POU2F3: variants seen among roughly 807,000 people sequenced by gnomAD.
POU2F3 encodes the protein POU domain, class 2, transcription factor 3.
Under a neutral mutation model 59.2 loss-of-function variants are expected in POU2F3, and 23 were observed. The observed-to-expected ratio is 0.39, with a 90% CI of 0.28 to 0.55. The LOEUF (loss-of-function observed/expected upper bound fraction) is 0.55. Ranked by LOEUF, POU2F3 falls within the 20% of genes least tolerant of loss-of-function variation. POU2F3 has a pLI of 0.66. For synonymous variants in POU2F3, 190 were observed against 214.6 expected (o/e 0.89, Z 1.00); for missense variants, 473 against 544.5 (o/e 0.87, Z 1.31).
upstream of POU2F3, among the ~76,000 whole-genome samples, chr11:120,237,089 G>A (rs1013108686): frequency 1.3e-5 from 2 of 152,130 alleles, no homozygotes; most frequent in African/African-American, 4.8e-5. Context: ...GCAGCCCTGG[G>A]TCTAAATACC....
chr11:120,259,594 TC>T (rs1466116874), intron 2 of POU2F3, among the ~76,000 whole-genome samples: 5 of 152,128 alleles, frequency 3.3e-5, no homozygotes, highest in African/African-American at 1.2e-4. Context: ...GCCTCCTGGG[TC>T]CTATTCTTCA....
chr11:120,240,381 G>A lies in POU2F3; in HGVS notation c.28+10G>A. Reference sequence around the variant, plus strand: ...GAGTCCATGCACACAGGTGAGGGGCGGAGGGAATGAGCTCTGACAGGTGTC... The same window carrying A: ...GAGTCCATGCACACAGGTGAGGGGCAGAGGGAATGAGCTCTGACAGGTGTC... On this transcript the variant is annotated intron_variant, in intron 1 of 12. Coordinates refer to ENST00000543440, the MANE Select transcript of POU2F3 (RefSeq NM_014352.4). 7.0e-7 allele frequency: 1 copy of A among 1,425,416 alleles called. No individual in the cohort carries two copies. Among genetic ancestry groups the A allele is most frequent in the Non-Finnish European group, 9.3e-7 (1 of 1,079,770 alleles). The allele number at this position is 1,425,416 out of a possible 1,614,324, so 88.3% of individuals were successfully genotyped here.
intron 2 of POU2F3, among the ~76,000 whole-genome samples, chr11:120,254,627 G>A (rs1565357214): frequency 6.6e-6 from 1 of 152,194 alleles, no homozygotes; most frequent in African/African-American, 2.4e-5. Context: ...TTGGTTTGGA[G>A]GAAGAGGGCC....
At chr11:120,270,995 G>A (rs1489262156) in intron 3 of POU2F3, among the ~76,000 whole-genome samples, 3 of 152,178 alleles carry the variant, frequency 2.0e-5, no homozygotes, top group Admixed American at 6.5e-5. Flanking sequence ...TGCCTGGCCT[G>A]AAGTCACTAT....
intron 6 of POU2F3, chr11:120,303,933 C>A (rs886382583): frequency 6.6e-6 from 1 of 152,188 alleles, no homozygotes; most frequent in Non-Finnish European, 1.5e-5. Context: ...TCCACTCTAT[C>A]CTTGTGGAAT....
In POU2F3 at chr11:120,319,553, G is replaced by A. The variant is rs11217815; in HGVS notation, c.*1161G>A. 46,068 of 147,816 alleles carry A rather than the reference G, an allele frequency of 0.31. 7,973 individuals are homozygous for A. The highest frequency in any genetic ancestry group is 0.41 in the Middle Eastern group (113 of 278). The allele number at this position is 147,816 out of a possible 1,614,324, so 9.2% of individuals were successfully genotyped here. On this transcript the variant is annotated 3_prime_UTR_variant, in exon 13 of 13. Coordinates refer to ENST00000543440, the MANE Select transcript of POU2F3 (RefSeq NM_014352.4). ...CCACTTGGGTTCAAGCGATTCTCCT[G>A]CCTCAGCCTCTCAAGTAGCGGGATT...
Position 120,308,164 on chromosome 11 carries a change from G to A in POU2F3, c.906+549G>A, listed in dbSNP as rs12576881. 0.015 allele frequency among the ~76,000 whole-genome samples: 2,335 copies of A among 152,166 alleles called. 271 individuals carry two copies. The East Asian group carries it at 0.25, about 16-fold the overall frequency. The stretch of plus-strand genomic sequence containing the variant: ...ACTTGTGATCGTGTTATACACCTAC[G>A]TTTTTTGGAACTTGTAGCAAAAGCA... On this transcript the variant is annotated intron_variant, in intron 9 of 12. Coordinates refer to ENST00000543440, the MANE Select transcript of POU2F3 (RefSeq NM_014352.4).
At chr11:120,268,740 C>T (rs532138347) in intron 2 of POU2F3, among the ~76,000 whole-genome samples, 4 of 152,356 alleles carry the variant, frequency 2.6e-5, no homozygotes, top group African/African-American at 9.6e-5. Flanking sequence ...AGCTGTCTAG[C>T]TGACATACTT....
chr11:120,252,285 C>T (rs1939140555), intron 2 of POU2F3, among the ~76,000 whole-genome samples: 2 of 149,870 alleles, frequency 1.3e-5, no homozygotes, highest in Admixed American at 6.7e-5. Flanking sequence ...TGGCTCACTG[C>T]AACCTCCGCC....
chr11:120,264,188 CAT>C (rs1481436210), intron 2 of POU2F3, among the ~76,000 whole-genome samples: 2 of 129,206 alleles, frequency 1.5e-5, no homozygotes, highest in African/African-American at 3.0e-5. Context: ...GATAAGACCT[CAT>C]ACACACACAC....
intron 7 of POU2F3, 200 bp downstream of exon 7, chr11:120,305,412 G>A (rs1447506406): frequency 1.2e-5 from 11 of 886,794 alleles, no homozygotes; most frequent in Admixed American, 1.2e-4. Flanking sequence ...AATGAGAGGT[G>A]GAAAAGGGGC....
chr11:120,269,341 G>A (rs956784005), intron 3 of POU2F3, 97 bp downstream of exon 3: 3 of 1,090,784 alleles, frequency 2.8e-6, no homozygotes, highest in Non-Finnish European at 2.7e-6. Flanking sequence ...GTACAGTTTG[G>A]GGGTGTTTAT....
At chr11:120,267,873 G>A (rs73578212) in intron 2 of POU2F3, among the ~76,000 whole-genome samples, 1,831 of 152,134 alleles carry the variant, frequency 0.012, 32 homozygotes, top group African/African-American at 0.042. Flanking sequence ...ACCGTATTTA[G>A]TAAATAATTA....
At chr11:120,280,720 T>C (rs1448432155) in intron 3 of POU2F3, among the ~76,000 whole-genome samples, 1 of 152,202 alleles carries the variant, frequency 6.6e-6, no homozygotes, top group Non-Finnish European at 1.5e-5. Context: ...ACTTGACATG[T>C]GTCCAGTACT....
chr11:120,239,229 A>C (rs1331518128), upstream of POU2F3, among the ~76,000 whole-genome samples: 1 of 152,218 alleles, frequency 6.6e-6, no homozygotes, highest in Non-Finnish European at 1.5e-5. Flanking sequence ...GTCTGCACAC[A>C]GCTTTCTGGG....
intron 2 of POU2F3, among the ~76,000 whole-genome samples, chr11:120,257,665 G>A (rs1159955891): frequency 6.6e-6 from 1 of 152,064 alleles, no homozygotes; most frequent in African/African-American, 2.4e-5. Flanking sequence ...AAAGGACATG[G>A]CATCTCCACT....
Position 120,240,360 on chromosome 11 carries a change from C to A in POU2F3, c.17C>A (p.Ser6Tyr). 1 of 1,427,942 alleles carries A rather than the reference C, an allele frequency of 7.0e-7. No homozygotes were observed. Among genetic ancestry groups the A allele is most frequent in the Non-Finnish European group, 9.3e-7 (1 of 1,080,114 alleles). The allele number at this position is 1,427,942 out of a possible 1,614,324, so 88.5% of individuals were successfully genotyped here. A position where few individuals can be genotyped will look rare whatever the true frequency, so the allele number is the denominator to read the frequency against. ...TGGGGCAGGATGGTGAATCTGGAGT[C>A]CATGCACACAGGTGAGGGGCGGAGG... The part of the protein sequence containing the change: MVNLE[S>Y]MHTDIKMSGD... Residue 6 changes from serine (S) to tyrosine (Y), a missense_variant, in exon 1 of 13, where the codon TCC becomes TAC. Coordinates refer to ENST00000543440, the MANE Select transcript of POU2F3 (RefSeq NM_014352.4).
At chr11:120,250,654 G>T (rs948158975) in intron 2 of POU2F3, among the ~76,000 whole-genome samples, 1 of 152,152 alleles carries the variant, frequency 6.6e-6, no homozygotes, top group Non-Finnish European at 1.5e-5. Flanking sequence ...GGGAGTCAAC[G>T]TAGAGAACCA....
At chr11:120,264,901 T>C (rs147072529) in intron 2 of POU2F3, among the ~76,000 whole-genome samples, 7 of 152,320 alleles carry the variant, frequency 4.6e-5, no homozygotes, top group African/African-American at 1.7e-4. Context: ...AATATAATCA[T>C]TGCATCTCTT....
Sources: allele counts gnomAD v4.1 joint callset (sites outside exome capture counted in the v4.1 genomes callset), GRCh38; gene constraint gnomAD v4.1.1; transcripts MANE v1.5; gene names NCBI Gene and HGNC (gene_info 2026-07-23, HGNC 2026-07-21).